Variants in NETO2 observed in about 807,000 individuals in gnomAD.
The protein encoded by NETO2 is neuropilin and tolloid-like protein 2.
In NETO2, 28 loss-of-function variants were observed where a neutral mutation model predicts 62.5. The observed-to-expected ratio is 0.45, with a 90% CI of 0.33 to 0.61. NETO2 has a LOEUF of 0.61. Ranked by LOEUF, NETO2 falls within the 20% of genes least tolerant of loss-of-function variation. The probability of loss-of-function intolerance (pLI) is 0.02; values close to 1 mark genes in which losing one functional copy is unlikely to be tolerated. For synonymous variants in NETO2, 214 were observed against 219.1 expected, an observed-to-expected ratio of 0.98 and a Z score of 0.21; for missense variants, 548 against 643.2, an observed-to-expected ratio of 0.85 and a Z score of 1.60.
chr16:47,118,322 G>A (rs929542074), intron 6 of NETO2, among the ~76,000 whole-genome samples: 10 of 152,098 alleles, frequency 6.6e-5, no homozygotes, highest in African/African-American at 2.2e-4. Flanking sequence ...CTGCTGCCAC[G>A]TTTCCCTGGA....
At position 47,136,520 on chromosome 16, in the gene NETO2, C is replaced by T. The variant is rs141849037; in HGVS notation, c.35-4495G>A. 2.1e-3 allele frequency among the ~76,000 whole-genome samples: 318 copies of T among 152,288 alleles called. 1 individual carries two copies. The highest frequency in any genetic ancestry group is 3.7e-3 in the Non-Finnish European group (252 of 68,024). ...TTCTGGGTTCAAGCAATTCTCGTACCTCAGTTTCCTGAGTAGCTGGGACTA... is the reference window on the plus strand; with the variant it reads ...TTCTGGGTTCAAGCAATTCTCGTACTTCAGTTTCCTGAGTAGCTGGGACTA... On this transcript the variant is annotated intron_variant, in intron 1 of 8. Coordinates refer to ENST00000562435, the MANE Select transcript of NETO2 (RefSeq NM_018092.5).
chr16:47,128,176 C>G, intron 4 of NETO2, 149 bp downstream of exon 4: 2 of 941,100 alleles, frequency 2.1e-6, no homozygotes, highest in Admixed American at 2.6e-5. Flanking sequence ...CTTATTTGTT[C>G]ATGGACTAAT....
chr16:47,107,601 C>T (rs1473936957), intron 7 of NETO2, among the ~76,000 whole-genome samples: 4 of 152,136 alleles, frequency 2.6e-5, no homozygotes, highest in South Asian at 2.1e-4. Context: ...GCTGGTCCAG[C>T]GTTGGGTCAG....
At chr16:47,107,522 T>C (rs1231118490) in intron 7 of NETO2, among the ~76,000 whole-genome samples, 1 of 152,220 alleles carries the variant, frequency 6.6e-6, no homozygotes, top group African/African-American at 2.4e-5. Flanking sequence ...TTAAACAAAT[T>C]AATCCATTTC....
chr16:47,117,304 T>C (rs1963942642), intron 6 of NETO2, among the ~76,000 whole-genome samples: 1 of 152,344 alleles, frequency 6.6e-6, no homozygotes, highest in African/African-American at 2.4e-5. Context: ...ATCTCAATCT[T>C]TGATTTCAAG....
At chr16:47,111,122 A>G (rs944548528) in intron 6 of NETO2, among the ~76,000 whole-genome samples, 1 of 152,196 alleles carries the variant, frequency 6.6e-6, no homozygotes, top group Non-Finnish European at 1.5e-5. Context: ...TAATGCTGTA[A>G]TGACTTCCCT....
At chr16:47,106,089 C>A (rs1237392106) in intron 7 of NETO2, among the ~76,000 whole-genome samples, 1 of 151,988 alleles carries the variant, frequency 6.6e-6, no homozygotes, top group African/African-American at 2.4e-5. Context: ...AAAAAGAATA[C>A]AATTCTGATA....
chr16:47,133,604 C>CATAAAATAAAATAAAATAAA (rs138640228), intron 1 of NETO2, among the ~76,000 whole-genome samples: 102 of 135,820 alleles, frequency 7.5e-4, no homozygotes, highest in Middle Eastern at 3.7e-3. Context: ...AATGACATAA[C>CATAAAATAAAATAAAATAAA]ATAAAATAAA....
At chr16:47,122,246 C>T (rs564284316) in intron 6 of NETO2, among the ~76,000 whole-genome samples, 7 of 152,272 alleles carry the variant, frequency 4.6e-5, no homozygotes, top group South Asian at 2.1e-4. Flanking sequence ...TTTGGGTTTT[C>T]GCTTTTAGAT....
intron 7 of NETO2, among the ~76,000 whole-genome samples, chr16:47,101,686 C>G (rs1424424400): frequency 6.6e-6 from 1 of 152,008 alleles, no homozygotes; most frequent in Non-Finnish European, 1.5e-5. Flanking sequence ...TTCACAACTG[C>G]TACAAAGAGA....
chr16:47,140,020 T>A (rs1261264480), intron 1 of NETO2, among the ~76,000 whole-genome samples: 2 of 152,216 alleles, frequency 1.3e-5, no homozygotes, highest in Non-Finnish European at 2.9e-5. Context: ...GTCATTTTGA[T>A]TAGAAAGGAC....
rs1394972030 is a variant in NETO2 at position 47,135,311 on chromosome 16, T to G, written c.35-3286A>C. Among the ~76,000 whole-genome samples, 3 of 152,332 alleles carry G rather than the reference T, an allele frequency of 2.0e-5. No individual in the cohort carries two copies. The South Asian group carries it at 6.2e-4, about 32-fold the overall frequency. On this transcript the variant is annotated intron_variant, in intron 1 of 8. Transcript: ENST00000562435. The stretch of plus-strand genomic sequence containing the variant: ...TCCCAATCTAGGTGCCACTGTTTCC[T>G]CTTACCAAAAGGATCAATTATATCT...
chr16:47,098,378 C>A (rs1379821557), intron 7 of NETO2, among the ~76,000 whole-genome samples: 1 of 152,056 alleles, frequency 6.6e-6, no homozygotes, highest in Non-Finnish European at 1.5e-5. Flanking sequence ...CTTCGTGAAG[C>A]ATATGTAAGT....
intron 6 of NETO2, among the ~76,000 whole-genome samples, chr16:47,111,868 A>C (rs1380834935): frequency 6.6e-6 from 1 of 151,800 alleles, no homozygotes; most frequent in African/African-American, 2.4e-5. Flanking sequence ...AGGCTTTTCC[A>C]ACTCCCTACA....
intron 1 of NETO2, among the ~76,000 whole-genome samples, chr16:47,132,821 G>A (rs551774458): frequency 2.6e-5 from 4 of 152,204 alleles, no homozygotes; most frequent in Non-Finnish European, 4.4e-5. Flanking sequence ...GGTGTGGAGA[G>A]AGAAATCGAG....
intron 6 of NETO2, among the ~76,000 whole-genome samples, chr16:47,116,637 A>G (rs958261121): frequency 6.6e-6 from 1 of 152,170 alleles, no homozygotes; most frequent in Non-Finnish European, 1.5e-5. Context: ...TTACAAAGTA[A>G]GTTTAGAAAT....
intron 1 of NETO2, among the ~76,000 whole-genome samples, chr16:47,133,538 G>C (rs1325954228): frequency 2.0e-5 from 3 of 151,454 alleles, no homozygotes; most frequent in Non-Finnish European, 4.4e-5. Context: ...CTGCCTGGGC[G>C]AAAGAGTGAG....
At chr16:47,118,453 T>C (rs943581844) in intron 6 of NETO2, among the ~76,000 whole-genome samples, 7 of 152,328 alleles carry the variant, frequency 4.6e-5, no homozygotes, top group Admixed American at 6.5e-5. Context: ...CTCTATCTAG[T>C]TCCTCTGGCC....
intron 7 of NETO2, among the ~76,000 whole-genome samples, chr16:47,089,847 TG>T (rs1963276286): frequency 6.6e-6 from 1 of 152,222 alleles, no homozygotes. Flanking sequence ...ATAGCATTTT[TG>T]ATTTCCTCAT....
Sources: gnomAD v4.1 joint callset for allele counts (sites outside exome capture counted in the v4.1 genomes callset) on GRCh38, gnomAD v4.1.1 for gene constraint, MANE v1.5 for transcripts, NCBI Gene and HGNC (gene_info 2026-07-23, HGNC 2026-07-21) for gene names.